The following RAD17 variants were observed in gnomAD, a reference collection of about 807,000 sequenced individuals.
RAD17 encodes RAD17 checkpoint clamp loader component, also known as cell cycle checkpoint protein RAD17.
RAD17 carries 31 observed loss-of-function variants against 81.5 expected under a neutral mutation model. That is an observed-to-expected ratio of 0.38 (90% CI 0.29 to 0.51). The LOEUF (loss-of-function observed/expected upper bound fraction) is 0.51. RAD17 is among the 20% of genes least tolerant of loss of function. RAD17 has a pLI of 0.88. For synonymous variants in RAD17, 261 were observed against 266.2 expected (o/e 0.98, Z 0.19); for missense variants, 681 against 781.2 (o/e 0.87, Z 1.53).
chr5:69,381,664 T>G (rs1763867642), intron 6 of RAD17, among the ~76,000 whole-genome samples: 1 of 152,154 alleles, frequency 6.6e-6, no homozygotes, highest in African/African-American at 2.4e-5. Context: ...TAAGATTCTC[T>G]TATTTCCATA....
Position 69,382,052 on chromosome 5 carries a change from A to T in RAD17, c.503A>T (p.Asn168Ile). The part of the protein sequence containing the change: ...FQKDDFKGMF[N>I]TESSFHMFPY... ...AAAGATGATTTCAAGGGGATGTTTA[A>T]TACTGGTAAGATTTGCTGTGAAGGT... Residue 168 changes from asparagine (N) to isoleucine (I), a missense_variant, in exon 7 of 19, where the codon AAT becomes ATT. Transcript: ENST00000354868. 6.2e-7 allele frequency: 1 copy of T among 1,611,992 alleles called. No homozygotes were observed. The highest frequency in any genetic ancestry group is 8.5e-7 in the Non-Finnish European group (1 of 1,178,664).
At chr5:69,387,439 A>G (rs1561252445) in intron 11 of RAD17, among the ~76,000 whole-genome samples, 2 of 152,238 alleles carry the variant, frequency 1.3e-5, no homozygotes, top group Non-Finnish European at 2.9e-5. Flanking sequence ...AGGATTAAAT[A>G]CGTTAGTGTA....
chr5:69,382,776 C>T (rs1415747380), intron 7 of RAD17, among the ~76,000 whole-genome samples: 2 of 152,018 alleles, frequency 1.3e-5, no homozygotes, highest in East Asian at 3.9e-4. Flanking sequence ...CTTAAGATAA[C>T]GATTTAAAAA....
At chr5:69,393,041 A>T in intron 13 of RAD17, 114 bp from the exon 14 acceptor site, 2 of 597,042 alleles carry the variant, frequency 3.3e-6, no homozygotes, top group Non-Finnish European at 5.8e-6. Context: ...ATTTTTTAAC[A>T]GTTTGTTACT....
At chr5:69,391,229 CAAAAA>C (rs34553672) in intron 12 of RAD17, among the ~76,000 whole-genome samples, 2 of 110,134 alleles carry the variant, frequency 1.8e-5, no homozygotes, top group Non-Finnish European at 1.8e-5. Flanking sequence ...GACTCCATCT[CAAAAA>C]AAAAAAAAAA....
intron 17 of RAD17, among the ~76,000 whole-genome samples, chr5:69,404,516 C>T (rs1765466211): frequency 6.6e-6 from 1 of 151,802 alleles, no homozygotes; most frequent in Middle Eastern, 3.4e-3. Context: ...GCCTGTAACC[C>T]CAGCACTTTG....
intron 7 of RAD17, among the ~76,000 whole-genome samples, chr5:69,382,562 T>G (rs899741845): frequency 6.6e-5 from 10 of 152,224 alleles, no homozygotes; most frequent in African/African-American, 2.4e-4. Flanking sequence ...ATTCTTCTGT[T>G]TGCATTATTT....
intron 8 of RAD17, 105 bp from the exon 9 acceptor site, chr5:69,385,938 T>C: frequency 8.8e-7 from 1 of 1,130,502 alleles, no homozygotes; most frequent in Non-Finnish European, 1.2e-6. Flanking sequence ...CTGTTTAAAA[T>C]ACATTGAATA....
chr5:69,369,656 C>T (rs1172422658), upstream of RAD17: 13 of 1,559,924 alleles, frequency 8.3e-6, no homozygotes, highest in South Asian at 2.3e-5. Context: ...CCACTGGTTA[C>T]CTGGCTTTCG....
intron 4 of RAD17, among the ~76,000 whole-genome samples, chr5:69,373,004 T>A (rs764566425): frequency 2.0e-5 from 3 of 152,164 alleles, no homozygotes; most frequent in Non-Finnish European, 2.9e-5. Flanking sequence ...AAAAATATAA[T>A]CCAGTCATAA....
chr5:69,410,349 A>G lies in RAD17; in HGVS notation c.1694-144A>G, dbSNP rs17230208. On this transcript the variant is annotated intron_variant, in intron 17 of 18. Transcript: ENST00000354868. ...CTGGTTTTTTGTAACAGTCATCCTA[A>G]TAGATGTGAATTGGTATCTCACTAT... is the stretch of plus-strand genomic sequence containing the variant. 250 of 604,786 alleles carry G rather than the reference A, an allele frequency of 4.1e-4. No homozygotes were observed. In the African/African-American group the frequency reaches 4.3e-3, roughly 10 times the overall value. The allele number at this position is 604,786 out of a possible 1,614,324, so 37.5% of individuals were successfully genotyped here.
At position 69,386,303 on chromosome 5, in the gene RAD17, T is replaced by G; in HGVS notation, c.822T>G (p.Ile274Met). The G allele has an allele frequency of 1.3e-6, 2 of 1,592,642 alleles. No homozygotes were observed. Among genetic ancestry groups the G allele is most frequent in the Non-Finnish European group, 1.7e-6 (2 of 1,170,664 alleles). Residue 274 changes from isoleucine to methionine, a missense_variant and splice_region_variant, in exon 10 of 19, where the codon ATT becomes ATG. Physicochemically the swap from Ile to Met is conservative, Grantham distance 10 (BLOSUM62 1). Coordinates refer to ENST00000354868, the MANE Select transcript of RAD17 (RefSeq NM_133338.3). ...EIQEECSISN[I>M]SFNPVAPTIM... is the part of the protein sequence containing the mutation. ...AGGAAGAGTGTTCTATCTCAAATAT[T>G]AGGTAAGAAAGAAATTTCTGCTTAT...
At chr5:69,378,914 G>A (rs1003737585) in intron 6 of RAD17, among the ~76,000 whole-genome samples, 15 of 152,110 alleles carry the variant, frequency 9.9e-5, no homozygotes, top group East Asian at 1.9e-4. Context: ...AACTATATGT[G>A]TAAATAAACA....
At chr5:69,385,925 G>A (rs774682940) in intron 8 of RAD17, 118 bp from the exon 9 acceptor site, 118 of 1,019,896 alleles carry the variant, frequency 1.2e-4, no homozygotes, top group Non-Finnish European at 1.5e-4. Context: ...TCCTGTGAAA[G>A]TTCTGTTTAA....
intron 15 of RAD17, among the ~76,000 whole-genome samples, chr5:69,394,723 T>G (rs1580408170): frequency 1.3e-5 from 2 of 152,224 alleles, no homozygotes; most frequent in East Asian, 3.8e-4. Flanking sequence ...GGCGTTCTGT[T>G]GGACGACACT....
chr5:69,406,597 GC>G, intron 17 of RAD17, among the ~76,000 whole-genome samples: 1 of 152,050 alleles, frequency 6.6e-6, no homozygotes, highest in East Asian at 1.9e-4. Flanking sequence ...AACCTCCTTG[GC>G]CCAAGTGATC....
In RAD17 at chr5:69,414,396, TTTG is replaced by T; in HGVS notation, c.*107_*109del. 1 of 1,272,936 alleles carries T rather than the reference TTTG, an allele frequency of 7.9e-7. No individual in the cohort carries two copies. The highest frequency in any genetic ancestry group is 1.1e-6 in the Non-Finnish European group (1 of 921,658). The allele number at this position is 1,272,936 out of a possible 1,614,324, so 78.9% of individuals were successfully genotyped here. On this transcript the variant is annotated 3_prime_UTR_variant, in exon 19 of 19. Transcript: ENST00000354868. ...GCTTTTCTGATGAATTACACAACAG[TTTG>T]TTAATTCTTCATTCTTGTAGTATTT... is the stretch of plus-strand genomic sequence containing the variant.
intron 12 of RAD17, among the ~76,000 whole-genome samples, chr5:69,390,126 GTCC>G (rs1295844100): frequency 6.6e-6 from 1 of 152,160 alleles, no homozygotes; most frequent in African/African-American, 2.4e-5. Context: ...TTACTGCATA[GTCC>G]TCCTTCAGAA....
upstream of RAD17, chr5:69,369,713 C>G (rs1186304496): frequency 1.9e-6 from 3 of 1,551,044 alleles, no homozygotes; most frequent in Non-Finnish European, 2.6e-6. Flanking sequence ...TAACTCGGGT[C>G]GGTACTTCGG....
Sources: allele counts gnomAD v4.1 joint callset (sites outside exome capture counted in the v4.1 genomes callset), GRCh38; gene constraint gnomAD v4.1.1; transcripts MANE v1.5; gene names NCBI Gene and HGNC (gene_info 2026-07-23, HGNC 2026-07-21).